The following KCNB2 variants were observed in gnomAD, a reference collection of about 807,000 sequenced individuals.
KCNB2 encodes delayed rectifier potassium channel protein.
Under a neutral mutation model 61.5 loss-of-function variants are expected in KCNB2, and 15 were observed. The ratio of observed to expected loss-of-function variants is 0.24; its 90% confidence interval spans 0.16 to 0.38. The LOEUF is 0.38. Among genes scored for constraint, KCNB2 ranks in the 10% least tolerant of loss-of-function variants. The pLI is 1.00. For missense variants in KCNB2, 828 were observed against 1,125.2 expected (o/e 0.74, Z 3.78); for synonymous variants, 457 against 446.0 (o/e 1.02, Z -0.31).
intron 2 of KCNB2, among the ~76,000 whole-genome samples, chr8:72,856,590 C>T (rs1810211905): frequency 6.6e-6 from 1 of 152,276 alleles, no homozygotes; most frequent in African/African-American, 2.4e-5. Flanking sequence ...CTTGTTTCTA[C>T]ATAATATCTG....
At chr8:72,658,640 A>C (rs1332186399) in intron 2 of KCNB2, among the ~76,000 whole-genome samples, 1 of 152,192 alleles carries the variant, frequency 6.6e-6, no homozygotes, top group East Asian at 1.9e-4. Context: ...ATTAGAGAGG[A>C]GAAGTCAAGG....
At chr8:72,669,836 C>T (rs1349510736) in intron 2 of KCNB2, among the ~76,000 whole-genome samples, 1 of 152,186 alleles carries the variant, frequency 6.6e-6, no homozygotes, top group African/African-American at 2.4e-5. Flanking sequence ...AGCCTCGTTG[C>T]CTACTTTTTC....
At chr8:72,624,212 T>C (rs1344940362) in intron 2 of KCNB2, among the ~76,000 whole-genome samples, 2 of 152,206 alleles carry the variant, frequency 1.3e-5, no homozygotes, top group African/African-American at 4.8e-5. Context: ...TTCTGCCTCA[T>C]GCATGCTTGG....
chr8:72,723,237 C>T (rs890085468), intron 2 of KCNB2, among the ~76,000 whole-genome samples: 1 of 152,192 alleles, frequency 6.6e-6, no homozygotes, highest in Non-Finnish European at 1.5e-5. Flanking sequence ...CTCCATGCCT[C>T]ACTTTAAGTA....
chr8:72,930,846 G>C (rs1360783250), intron 2 of KCNB2, among the ~76,000 whole-genome samples: 1 of 152,076 alleles, frequency 6.6e-6, no homozygotes, highest in Non-Finnish European at 1.5e-5. Context: ...CATTGCTTTT[G>C]GTGTTTTAGA....
At chr8:72,900,918 G>A (rs1037864602) in intron 2 of KCNB2, among the ~76,000 whole-genome samples, 18 of 152,178 alleles carry the variant, frequency 1.2e-4, no homozygotes, top group African/African-American at 3.9e-4. Context: ...TTCAGTCTCT[G>A]TGGAAAGCAG....
In KCNB2 at chr8:72,641,680, T is replaced by G. The variant is rs555916951; in HGVS notation, c.579+73367T>G. On this transcript the variant is annotated intron_variant, in intron 2 of 2. Transcript: ENST00000523207. ...GAATCTGGGGACAGACTGTCTAGAT[T>G]TGAATCTTGACAATGCTTCTTCCTA... 1.0e-3 allele frequency among the ~76,000 whole-genome samples: 153 copies of G among 152,252 alleles called. 1 individual carries two copies. The highest frequency in any genetic ancestry group is 3.5e-3 in the African/African-American group (147 of 41,560).
At chr8:72,632,363 A>T (rs1021504880) in intron 2 of KCNB2, among the ~76,000 whole-genome samples, 1 of 152,240 alleles carries the variant, frequency 6.6e-6, no homozygotes, top group Non-Finnish European at 1.5e-5. Flanking sequence ...ATTGGCACAC[A>T]GCCACACTCA....
chr8:72,751,366 T>C (rs1039430695), intron 2 of KCNB2: 32 of 152,210 alleles, frequency 2.1e-4, no homozygotes, highest in African/African-American at 7.7e-4. Flanking sequence ...AATATTTCAT[T>C]ACAATGTTAT....
chr8:72,623,794 A>G (rs1014844372), intron 2 of KCNB2, among the ~76,000 whole-genome samples: 10 of 152,192 alleles, frequency 6.6e-5, no homozygotes, highest in Non-Finnish European at 1.3e-4. Context: ...TTAATACATG[A>G]GAAGATGGAT....
At chr8:72,792,791 C>T (rs1037002301) in intron 2 of KCNB2, among the ~76,000 whole-genome samples, 2 of 152,176 alleles carry the variant, frequency 1.3e-5, no homozygotes, top group Admixed American at 1.3e-4. Context: ...TCCAAGCCTA[C>T]CCAGTTAAGT....
chr8:72,656,293 G>A (rs765636433), intron 2 of KCNB2, among the ~76,000 whole-genome samples: 2 of 152,120 alleles, frequency 1.3e-5, no homozygotes, highest in Non-Finnish European at 2.9e-5. Flanking sequence ...GTGTCTTAAA[G>A]ACAAAGCAAC....
intron 2 of KCNB2, among the ~76,000 whole-genome samples, chr8:72,854,447 G>A (rs1008435349): frequency 1.3e-5 from 2 of 152,138 alleles, no homozygotes; most frequent in African/African-American, 2.4e-5. Flanking sequence ...TTTTCAAAAT[G>A]CCTAGAAGAA....
intron 1 of KCNB2, among the ~76,000 whole-genome samples, chr8:72,555,645 T>A (rs1806415147): frequency 8.2e-6 from 1 of 121,382 alleles, no homozygotes. Flanking sequence ...AAAGAAGAAT[T>A]TTTTTTTTGG....
chr8:72,553,690 A>C (rs62520529), intron 1 of KCNB2, among the ~76,000 whole-genome samples: 20,384 of 152,168 alleles, frequency 0.13, 1,723 homozygotes, highest in East Asian at 0.46. Flanking sequence ...GCTACTTCTT[A>C]AACTTGGCTT....
intron 2 of KCNB2, among the ~76,000 whole-genome samples, chr8:72,700,411 C>T (rs1425409242): frequency 6.6e-6 from 1 of 151,856 alleles, no homozygotes; most frequent in African/African-American, 2.4e-5. Context: ...GACATGAACA[C>T]ACACTTCTTA....
At chr8:72,561,729 C>T (rs349348) in intron 1 of KCNB2, among the ~76,000 whole-genome samples, 1 of 20,392 alleles carries the variant, frequency 4.9e-5, no homozygotes, top group Non-Finnish European at 7.8e-5. Context: ...ATATATATAT[C>T]TATATCTATA....
chr8:72,546,457 C>T (rs991975340), intron 1 of KCNB2, among the ~76,000 whole-genome samples: 15 of 150,342 alleles, frequency 1.0e-4, no homozygotes, highest in Non-Finnish European at 2.2e-4. Context: ...GTGGAGGTTG[C>T]AGTGAGCCGA....
chr8:72,725,606 T>C (rs1416844678), intron 2 of KCNB2, among the ~76,000 whole-genome samples: 2 of 141,858 alleles, frequency 1.4e-5, no homozygotes, highest in African/African-American at 2.6e-5. Context: ...TATATATATA[T>C]ATATATATAT....
Sources: allele counts gnomAD v4.1 joint callset (sites outside exome capture counted in the v4.1 genomes callset), GRCh38; gene constraint gnomAD v4.1.1; transcripts MANE v1.5; gene names NCBI Gene and HGNC (gene_info 2026-07-23, HGNC 2026-07-21).